NPAS3: variants seen among roughly 807,000 people sequenced by gnomAD.
NPAS3 encodes the protein neuronal PAS domain-containing protein 3.
In NPAS3, 14 loss-of-function variants were observed where a neutral mutation model predicts 73.1. The observed-to-expected ratio is 0.19, with a 90% confidence interval of 0.13 to 0.30. The LOEUF (loss-of-function observed/expected upper bound fraction) is 0.30. Among genes scored for constraint, NPAS3 ranks in the 10% least tolerant of loss-of-function variants. NPAS3 has a pLI of 1.00. For missense variants in NPAS3, 1,096 were observed against 1,250.0 expected (o/e 0.88, Z 1.86); for synonymous variants, 620 against 541.5 (o/e 1.14, Z -2.01).
intron 5 of NPAS3, among the ~76,000 whole-genome samples, chr14:33,608,333 T>G (rs1026860831): frequency 3.3e-5 from 5 of 152,128 alleles, no homozygotes; most frequent in Admixed American, 3.3e-4. Context: ...GATTTTAGTA[T>G]TAGGCAATAT....
At chr14:33,662,869 CTTTTTTTT>C (rs550747845) in intron 5 of NPAS3, among the ~76,000 whole-genome samples, 9 of 89,890 alleles carry the variant, frequency 1.0e-4, no homozygotes, top group Non-Finnish European at 1.0e-4. Flanking sequence ...TGGGGTTTTC[CTTTTTTTT>C]TTTTTTTTTT....
At chr14:33,794,125 ATGT>A in intron 10 of NPAS3, 81 bp downstream of exon 10, 1 of 1,218,416 alleles carries the variant, frequency 8.2e-7, no homozygotes, top group South Asian at 1.3e-5. Flanking sequence ...AATAGCCGAC[ATGT>A]TGTGAATATT....
intron 2 of NPAS3, among the ~76,000 whole-genome samples, chr14:33,204,085 T>C (rs1221835572): frequency 6.6e-6 from 1 of 152,198 alleles, no homozygotes; most frequent in East Asian, 1.9e-4. Flanking sequence ...TGATGAGCAT[T>C]TTTTCATGTG....
chr14:33,299,983 G>C lies in NPAS3; in HGVS notation c.386-67203G>C, dbSNP rs554461300. 7.8e-4 allele frequency among the ~76,000 whole-genome samples: 118 copies of C among 152,230 alleles called. 1 individual carries two copies. Among genetic ancestry groups the C allele is most frequent in the African/African-American group, 2.7e-3 (114 of 41,544 alleles). ...GATAATTCAAAACCGTAGTACAGAG[G>C]TTAACTTTTAAATTTGAAGAATGAC... On this transcript the variant is annotated intron_variant, in intron 3 of 11. Coordinates refer to ENST00000356141, the Ensembl canonical transcript of NPAS3.
At chr14:33,768,945 G>C (rs1050895389) in intron 7 of NPAS3, among the ~76,000 whole-genome samples, 1 of 152,276 alleles carries the variant, frequency 6.6e-6, no homozygotes, top group Admixed American at 6.5e-5. Flanking sequence ...GTTAGCACTG[G>C]GATTGGTGGT....
intron 3 of NPAS3, among the ~76,000 whole-genome samples, chr14:33,269,920 G>A (rs1163163089): frequency 1.3e-5 from 2 of 152,116 alleles, no homozygotes; most frequent in Non-Finnish European, 2.9e-5. Context: ...CTTTAACAGA[G>A]GTGTCTTGGG....
chr14:33,801,142 G>A (rs747758361), downstream of NPAS3: 6 of 1,544,894 alleles, frequency 3.9e-6, no homozygotes, highest in South Asian at 3.6e-5. Context: ...GCCAGGCCCC[G>A]CTTGGAGGAG....
chr14:33,413,369 C>T (rs2048015269), intron 4 of NPAS3, among the ~76,000 whole-genome samples: 1 of 152,010 alleles, frequency 6.6e-6, no homozygotes, highest in Non-Finnish European at 1.5e-5. Flanking sequence ...CACGGCCCCA[C>T]TTGTGTCTGT....
intron 1 of NPAS3, among the ~76,000 whole-genome samples, chr14:32,946,682 AGT>A (rs2036276716): frequency 6.6e-6 from 1 of 152,182 alleles, no homozygotes; most frequent in East Asian, 1.9e-4. Context: ...GAAGTGCTTG[AGT>A]ATTTGTGATT....
chr14:33,728,486 C>A (rs1415366563), intron 6 of NPAS3, among the ~76,000 whole-genome samples: 1 of 152,136 alleles, frequency 6.6e-6, no homozygotes, highest in East Asian at 1.9e-4. Flanking sequence ...ATATCAGACA[C>A]TTTTGTTGGA....
At chr14:33,414,322 T>G (rs2138944607) in intron 4 of NPAS3, among the ~76,000 whole-genome samples, 1 of 152,280 alleles carries the variant, frequency 6.6e-6, no homozygotes, top group Middle Eastern at 3.4e-3. Context: ...AGTAGAAATC[T>G]TTGTCAGTGT....
intron 5 of NPAS3, among the ~76,000 whole-genome samples, chr14:33,657,790 A>T (rs1595375776): frequency 2.7e-5 from 1 of 36,732 alleles, no homozygotes; most frequent in African/African-American, 1.2e-4. Context: ...CAGATTATGT[A>T]AAAAAAAAAA....
chr14:33,524,469 T>C (rs1018031074), intron 4 of NPAS3, among the ~76,000 whole-genome samples: 4 of 152,172 alleles, frequency 2.6e-5, no homozygotes, highest in Non-Finnish European at 5.9e-5. Context: ...AAGAGGAAAT[T>C]GGCATTCACA....
intron 4 of NPAS3, among the ~76,000 whole-genome samples, chr14:33,464,018 C>T (rs565010110): frequency 1.3e-5 from 2 of 152,224 alleles, no homozygotes; most frequent in Admixed American, 6.5e-5. Context: ...TGAGTGTGCC[C>T]GCCTCCTCAA....
chr14:33,513,053 T>G (rs1157466998), intron 4 of NPAS3, among the ~76,000 whole-genome samples: 1 of 152,050 alleles, frequency 6.6e-6, no homozygotes, highest in African/African-American at 2.4e-5. Context: ...GCCAATATCC[T>G]TAGCATAACT....
chr14:33,254,756 C>G (rs1309853248), intron 3 of NPAS3, among the ~76,000 whole-genome samples: 3 of 152,096 alleles, frequency 2.0e-5, no homozygotes, highest in Non-Finnish European at 4.4e-5. Flanking sequence ...CAGAATCAGT[C>G]ACATTTTTCA....
At chr14:33,711,146 A>C (rs1186134692) in intron 6 of NPAS3, among the ~76,000 whole-genome samples, 2 of 152,204 alleles carry the variant, frequency 1.3e-5, no homozygotes, top group Non-Finnish European at 1.5e-5. Flanking sequence ...GTATAATAAA[A>C]CTTTCCTGAT....
chr14:33,681,824 A>G (rs1328553796), intron 6 of NPAS3, among the ~76,000 whole-genome samples: 1 of 152,156 alleles, frequency 6.6e-6, no homozygotes, highest in Admixed American at 6.5e-5. Context: ...AAATGATAGA[A>G]AGTTCATTCA....
chr14:33,078,926 C>A (rs1247830088), intron 2 of NPAS3, among the ~76,000 whole-genome samples: 3 of 152,056 alleles, frequency 2.0e-5, no homozygotes, highest in Non-Finnish European at 4.4e-5. Context: ...GATTTAATAT[C>A]AGAAAATAAT....
Sources: gnomAD v4.1 joint callset for allele counts (sites outside exome capture counted in the v4.1 genomes callset) on GRCh38, gnomAD v4.1.1 for gene constraint, MANE v1.5 for transcripts, NCBI Gene and HGNC (gene_info 2026-07-23, HGNC 2026-07-21) for gene names.